ANXA8: variants seen among roughly 807,000 people sequenced by gnomAD.
ANXA8 encodes annexin A8.
A neutral mutation model predicts 26.8 loss-of-function variants in ANXA8; 9 were observed. The ratio of observed to expected loss-of-function variants is 0.34; its 90% CI spans 0.20 to 0.59. The LOEUF (loss-of-function observed/expected upper bound fraction) is 0.59, where lower values mean the gene tolerates loss of function less well. Among genes scored for constraint, ANXA8 ranks in the 20% least tolerant of loss-of-function variants. The probability of loss-of-function intolerance (pLI) is 0.84; values close to 1 mark genes in which losing one functional copy is unlikely to be tolerated. For missense variants in ANXA8, 83 were observed against 238.5 expected, an observed-to-expected ratio of 0.35 and a Z score of 4.29; for synonymous variants, 39 against 94.8, an observed-to-expected ratio of 0.41 and a Z score of 3.42.
chr10:47,729,710 A>T, the ANXA8 span, among the ~76,000 whole-genome samples: 1 of 150,810 alleles, frequency 6.6e-6, no homozygotes, highest in Non-Finnish European at 1.5e-5. Context: ...ACGGTGTGTT[A>T]TCTGGGCCTG....
rs1420750514 is a variant in ANXA8 at position 47,469,903 on chromosome 10, C to A, written c.925-997G>T. Reference sequence around the variant, plus strand: ...TTTTTAACTTTTTCCTTTCTAGACACGATCTCACTCTGTCACCCAGGCTGG... The same window carrying A: ...TTTTTAACTTTTTCCTTTCTAGACAAGATCTCACTCTGTCACCCAGGCTGG... On this transcript the variant is annotated intron_variant, in intron 11 of 11. Coordinates refer to ENST00000585281, the MANE Select transcript of ANXA8 (RefSeq NM_001040084.3). 9.0e-3 allele frequency among the ~76,000 whole-genome samples: 1,367 copies of A among 151,414 alleles called. 59 individuals are homozygous for A. Among genetic ancestry groups the A allele is most frequent in the African/African-American group, 0.032 (1,301 of 40,824 alleles).
the ANXA8 span, among the ~76,000 whole-genome samples, chr10:47,950,730 T>C: frequency 6.6e-6 from 1 of 151,010 alleles, no homozygotes; most frequent in South Asian, 2.1e-4. Context: ...TTTTAAATAA[T>C]ACATGGATCA....
the ANXA8 span, among the ~76,000 whole-genome samples, chr10:47,526,185 A>C: frequency 1.6e-5 from 2 of 123,630 alleles, no homozygotes; most frequent in South Asian, 5.2e-4. Context: ...TGCAACCTCC[A>C]CCTCCTGGGT....
upstream of ANXA8, chr10:47,487,232 G>C (rs1276896193): frequency 8.4e-7 from 1 of 1,190,046 alleles, no homozygotes; most frequent in African/African-American, 1.5e-5. Context: ...ACATGTCATG[G>C]CTTTTTATTG....
At chr10:47,902,001 T>C in the ANXA8 span, among the ~76,000 whole-genome samples, 1 of 147,030 alleles carries the variant, frequency 6.8e-6, no homozygotes, top group Admixed American at 6.7e-5. Flanking sequence ...CACCTAATCT[T>C]TTTAACAATT....
the ANXA8 span, among the ~76,000 whole-genome samples, chr10:47,735,336 C>G: frequency 1.4e-5 from 2 of 146,458 alleles, no homozygotes; most frequent in South Asian, 2.1e-4. Flanking sequence ...CTCAACCGAC[C>G]CTCTTGCCTT....
At chr10:47,941,657 C>G in the ANXA8 span, among the ~76,000 whole-genome samples, 1 of 146,014 alleles carries the variant, frequency 6.8e-6, no homozygotes, top group Admixed American at 6.7e-5. Flanking sequence ...AAAAAAAAAA[C>G]AGCTGGCATT....
At chr10:47,509,028 G>C in the ANXA8 span, among the ~76,000 whole-genome samples, 1 of 134,806 alleles carries the variant, frequency 7.4e-6, no homozygotes, top group Non-Finnish European at 1.5e-5. Flanking sequence ...CACCAATAGT[G>C]AATACACCAA....
the ANXA8 span, among the ~76,000 whole-genome samples, chr10:47,497,749 C>T: frequency 6.7e-5 from 10 of 149,682 alleles, no homozygotes; most frequent in South Asian, 1.3e-3. Flanking sequence ...ACCAGCCTGG[C>T]GAACATGGTG....
the ANXA8 span, among the ~76,000 whole-genome samples, chr10:47,593,704 C>T: frequency 6.7e-6 from 1 of 149,378 alleles, no homozygotes; most frequent in Non-Finnish European, 1.5e-5. Flanking sequence ...ATCACATACA[C>T]CACTGTCATA....
the ANXA8 span, among the ~76,000 whole-genome samples, chr10:47,560,585 G>A: frequency 7.9e-5 from 12 of 151,908 alleles, no homozygotes; most frequent in African/African-American, 2.7e-4. Context: ...TTGCCTGTTT[G>A]ACCACTTGCA....
chr10:47,600,252 G>C, the ANXA8 span, among the ~76,000 whole-genome samples: 4 of 149,834 alleles, frequency 2.7e-5, 2 homozygotes, highest in African/African-American at 1.0e-4. Context: ...GAATCGCTGT[G>C]AACACCATCC....
chr10:47,559,348 G>A, the ANXA8 span, among the ~76,000 whole-genome samples: 1 of 151,234 alleles, frequency 6.6e-6, no homozygotes, highest in African/African-American at 2.4e-5. Context: ...AGCTGGTCTC[G>A]AACTCCTGAC....
chr10:47,627,061 G>A, the ANXA8 span, among the ~76,000 whole-genome samples: 1 of 149,212 alleles, frequency 6.7e-6, no homozygotes, highest in East Asian at 1.9e-4. Flanking sequence ...TTCTCTTATA[G>A]AAAACATTTA....
chr10:47,506,771 G>A, the ANXA8 span, among the ~76,000 whole-genome samples: 1 of 144,638 alleles, frequency 6.9e-6, no homozygotes, highest in Middle Eastern at 3.3e-3. Context: ...TCCAGAATAC[G>A]TGGGACTACA....
chr10:47,696,340 A>T, the ANXA8 span: 1 of 560,850 alleles, frequency 1.8e-6, no homozygotes. Context: ...TGCTGTGACT[A>T]GTAGGTTAAC....
At chr10:47,584,807 G>T in the ANXA8 span, among the ~76,000 whole-genome samples, 3 of 126,590 alleles carry the variant, frequency 2.4e-5, no homozygotes, top group Non-Finnish European at 4.7e-5. Context: ...ATGAATATAG[G>T]CCGGGAGTGG....
At chr10:47,680,484 A>G in the ANXA8 span, among the ~76,000 whole-genome samples, 2 of 151,734 alleles carry the variant, frequency 1.3e-5, no homozygotes. Context: ...AAAATACAAA[A>G]ATTAGCTGGG....
chr10:47,485,059 A>G (rs1840008636), upstream of ANXA8, among the ~76,000 whole-genome samples: 1 of 150,062 alleles, frequency 6.7e-6, no homozygotes, highest in African/African-American at 2.5e-5. Context: ...TTTGTTAACC[A>G]TTCCCTTTTG....
Sources: allele counts gnomAD v4.1 joint callset (sites outside exome capture counted in the v4.1 genomes callset), GRCh38; gene constraint gnomAD v4.1.1; transcripts MANE v1.5; gene names NCBI Gene and HGNC (gene_info 2026-07-23, HGNC 2026-07-21).